LRRC4C: variants seen among roughly 807,000 people sequenced by gnomAD.
LRRC4C encodes the protein leucine rich repeat containing 4C, also known as leucine-rich repeat-containing protein 4C.
Under a neutral mutation model 33.6 loss-of-function variants are expected in LRRC4C, and 5 were observed. That is an observed-to-expected ratio of 0.15 (90% confidence interval 0.08 to 0.31). The LOEUF (loss-of-function observed/expected upper bound fraction) is 0.31, where lower values mean the gene tolerates loss of function less well. Ranked by LOEUF, LRRC4C falls within the 10% of genes least tolerant of loss-of-function variation. The probability of loss-of-function intolerance (pLI) is 1.00; values close to 1 mark genes in which losing one functional copy is unlikely to be tolerated. For synonymous variants in LRRC4C, 329 were observed against 302.0 expected (o/e 1.09, Z -0.93); for missense variants, 560 against 796.7 (o/e 0.70, Z 3.58).
chr11:41,321,523 T>C (rs1950959021), intron 1 of LRRC4C, among the ~76,000 whole-genome samples: 1 of 152,184 alleles, frequency 6.6e-6, no homozygotes, highest in Non-Finnish European at 1.5e-5. Flanking sequence ...CTCTCAAATC[T>C]GCAATCTTCA....
At chr11:40,665,360 ATATGTATATATATATATATATATATAT>A (rs1943739629) in intron 2 of LRRC4C, among the ~76,000 whole-genome samples, 1 of 14,306 alleles carries the variant, frequency 7.0e-5, no homozygotes, top group African/African-American at 2.1e-4. Context: ...ATATATATAT[ATATGTATATATATATATATATATATAT>A]TATTAGGGGT....
At chr11:40,389,966 T>C (rs540568497) in intron 3 of LRRC4C, among the ~76,000 whole-genome samples, 3 of 152,288 alleles carry the variant, frequency 2.0e-5, no homozygotes, top group African/African-American at 7.2e-5. Flanking sequence ...TCACCCCTAG[T>C]GCAGTATTCT....
At chr11:41,091,088 CT>C (rs1283310924) in intron 1 of LRRC4C, among the ~76,000 whole-genome samples, 1 of 152,056 alleles carries the variant, frequency 6.6e-6, no homozygotes, top group African/African-American at 2.4e-5. Flanking sequence ...CACTGGTCAA[CT>C]TTAGACCAGA....
intron 2 of LRRC4C, among the ~76,000 whole-genome samples, chr11:40,673,418 C>T (rs1190054416): frequency 6.6e-6 from 1 of 152,214 alleles, no homozygotes; most frequent in Non-Finnish European, 1.5e-5. Flanking sequence ...TCTTATTCTA[C>T]AGGCCATAAG....
chr11:40,257,470 C>T (rs754396603), intron 4 of LRRC4C, among the ~76,000 whole-genome samples: 1 of 151,964 alleles, frequency 6.6e-6, no homozygotes, highest in Non-Finnish European at 1.5e-5. Context: ...CCAAGTAAAC[C>T]GGAGTTTCAT....
intron 1 of LRRC4C, among the ~76,000 whole-genome samples, chr11:41,286,406 T>G (rs1050679188): frequency 3.3e-5 from 5 of 152,176 alleles, no homozygotes; most frequent in African/African-American, 1.2e-4. Context: ...TTTATTTTTA[T>G]ACTTGAAGAT....
chr11:40,240,039 A>G (rs1446257868), intron 5 of LRRC4C, among the ~76,000 whole-genome samples: 1 of 152,198 alleles, frequency 6.6e-6, no homozygotes, highest in Non-Finnish European at 1.5e-5. Flanking sequence ...TGACTCATAC[A>G]TAGGTAACAT....
chr11:41,311,600 G>A (rs755168966), intron 1 of LRRC4C, among the ~76,000 whole-genome samples: 8 of 152,118 alleles, frequency 5.3e-5, no homozygotes, highest in Non-Finnish European at 1.0e-4. Context: ...ATTTTGTAAT[G>A]ACTTAACCAG....
intron 2 of LRRC4C, among the ~76,000 whole-genome samples, chr11:40,748,186 C>T (rs1219718099): frequency 6.6e-6 from 1 of 152,070 alleles, no homozygotes; most frequent in Non-Finnish European, 1.5e-5. Context: ...TGTAAAAGAA[C>T]CCCCGTTAGA....
At chr11:40,381,229 G>GAAA (rs149263163) in intron 3 of LRRC4C, among the ~76,000 whole-genome samples, 1 of 132,136 alleles carries the variant, frequency 7.6e-6, no homozygotes. Flanking sequence ...ACTTTAAAAT[G>GAAA]AAAAAAAAAA....
intron 1 of LRRC4C, among the ~76,000 whole-genome samples, chr11:41,412,386 A>T (rs1954522201): frequency 6.6e-6 from 1 of 152,190 alleles, no homozygotes; most frequent in African/African-American, 2.4e-5. Flanking sequence ...TTTATCAATT[A>T]ACTTATGGTA....
chr11:41,390,110 T>C (rs1953531145), intron 1 of LRRC4C, among the ~76,000 whole-genome samples: 1 of 152,062 alleles, frequency 6.6e-6, no homozygotes, highest in East Asian at 1.9e-4. Context: ...TAAAACATTG[T>C]TGAAGTTAAT....
rs150452592 is a variant in LRRC4C at position 41,069,645 on chromosome 11, C to T, written c.-495-135922G>A. Among the ~76,000 whole-genome samples, 26 of 152,184 alleles carry T rather than the reference C, an allele frequency of 1.7e-4. No homozygotes were observed. The East Asian group carries it at 5.0e-3, about 29-fold the overall frequency. Reference sequence around the variant, plus strand: ...ACAATACACAAGCAGAGAGCCAAATCATGAATGAACCCCCATTCACAATTG... The same window carrying T: ...ACAATACACAAGCAGAGAGCCAAATTATGAATGAACCCCCATTCACAATTG... On this transcript the variant is annotated intron_variant, in intron 1 of 6. Coordinates refer to ENST00000528697, the MANE Select transcript of LRRC4C (RefSeq NM_001258419.2).
chr11:40,311,134 C>A (rs1382626772), intron 4 of LRRC4C, among the ~76,000 whole-genome samples: 1 of 152,176 alleles, frequency 6.6e-6, no homozygotes, highest in East Asian at 1.9e-4. Flanking sequence ...TCCATAAAAT[C>A]TTCTGTGATC....
At chr11:40,910,464 G>A (rs1429249165) in intron 2 of LRRC4C, among the ~76,000 whole-genome samples, 1 of 152,174 alleles carries the variant, frequency 6.6e-6, no homozygotes, top group African/African-American at 2.4e-5. Context: ...TAGCTTTAAT[G>A]TCACTTGATA....
At chr11:40,452,696 G>T (rs892595522) in intron 3 of LRRC4C, among the ~76,000 whole-genome samples, 1 of 152,042 alleles carries the variant, frequency 6.6e-6, no homozygotes, top group African/African-American at 2.4e-5. Flanking sequence ...TACCCAAAGG[G>T]TTATAAGTCA....
At position 41,392,888 on chromosome 11, in the gene LRRC4C, C is replaced by T. The variant is rs759688769; in HGVS notation, c.-496+66543G>A. Among the ~76,000 whole-genome samples, 21 of 151,944 alleles carry T rather than the reference C, an allele frequency of 1.4e-4. No homozygotes were observed. The South Asian group carries it at 1.5e-3, about 11-fold the overall frequency. ...AAAGCAAGAACCTGCCAGTTTAAGA[C>T]TTCTATGTACCCAAACTGTAGGAGA... is the stretch of plus-strand genomic sequence containing the variant. On this transcript the variant is annotated intron_variant, in intron 1 of 6. Transcript: ENST00000528697.
In LRRC4C at chr11:41,044,629, C is replaced by T. The variant is rs527759907; in HGVS notation, c.-495-110906G>A. On this transcript the variant is annotated intron_variant, in intron 1 of 6. Coordinates refer to ENST00000528697, the MANE Select transcript of LRRC4C (RefSeq NM_001258419.2). The stretch of plus-strand genomic sequence containing the variant: ...TGCTCATAAATTATAAAGTGCTAAA[C>T]GTTGTGCTATAGACTACAGGAGTTC... Among the ~76,000 whole-genome samples, 28 of 152,160 alleles carry T rather than the reference C, an allele frequency of 1.8e-4. No homozygotes were observed. The South Asian group carries it at 3.3e-3, about 18-fold the overall frequency.
At chr11:40,945,723 G>T (rs1282752196) in intron 1 of LRRC4C, among the ~76,000 whole-genome samples, 1 of 152,112 alleles carries the variant, frequency 6.6e-6, no homozygotes, top group African/African-American at 2.4e-5. Context: ...CACCAACCAT[G>T]GGGAAAGGAG....
Sources: allele counts gnomAD v4.1 joint callset (sites outside exome capture counted in the v4.1 genomes callset), GRCh38; gene constraint gnomAD v4.1.1; transcripts MANE v1.5; gene names NCBI Gene and HGNC (gene_info 2026-07-23, HGNC 2026-07-21).